The following KIF21A variants were observed in gnomAD, a reference collection of about 807,000 sequenced individuals.
The protein encoded by KIF21A is kinesin family member 21A, also known as kinesin-like protein KIF21A.
KIF21A carries 114 observed loss-of-function variants against 202.9 expected under a neutral mutation model. That is an observed-to-expected ratio of 0.56 (90% CI 0.48 to 0.66). KIF21A has a LOEUF of 0.66. Ranked by LOEUF, KIF21A falls within the 30% of genes least tolerant of loss-of-function variation. The probability of loss-of-function intolerance (pLI) is 0.00; values close to 1 mark genes in which losing one functional copy is unlikely to be tolerated. For missense variants in KIF21A, 1,677 were observed against 1,994.9 expected (o/e 0.84, Z 3.04); for synonymous variants, 667 against 670.8 (o/e 0.99, Z 0.09).
chr12:39,328,165 A>G (rs368028113), intron 24 of KIF21A, among the ~76,000 whole-genome samples: 10 of 152,180 alleles, frequency 6.6e-5, no homozygotes, highest in African/African-American at 2.2e-4. Flanking sequence ...TTAGCCAATA[A>G]AAGTGGCTCA....
intron 7 of KIF21A, 123 bp downstream of exon 7, chr12:39,362,975 A>C: frequency 1.5e-6 from 1 of 678,192 alleles, no homozygotes; most frequent in East Asian, 2.7e-5. Flanking sequence ...TAACAGTATA[A>C]GGATTAGTTC....
At chr12:39,409,873 C>T (rs2140027954) in intron 1 of KIF21A, among the ~76,000 whole-genome samples, 1 of 151,442 alleles carries the variant, frequency 6.6e-6, no homozygotes, top group African/African-American at 2.4e-5. Context: ...ACTCTGTTGC[C>T]TAGGCTGGAG....
chr12:39,357,221 C>G, intron 9 of KIF21A, 27 bp downstream of exon 9: 1 of 1,606,364 alleles, frequency 6.2e-7, no homozygotes, highest in East Asian at 2.2e-5. Context: ...AAGTTAATCC[C>G]TCACTTATCC....
At position 39,420,304 on chromosome 12, in the gene KIF21A, G is replaced by C. The variant is rs368183683; in HGVS notation, c.44+22623C>G. ...TATGGGTGTATGGGAGAGTAAAGAG[G>C]TAACAGGAGCCAGGGGATTCCCAAG... On this transcript the variant is annotated intron_variant, in intron 1 of 37. Transcript: ENST00000361418. Among the ~76,000 whole-genome samples the C allele has an allele frequency of 2.0e-3, 305 of 152,154 alleles. 5 individuals are homozygous for C. Among genetic ancestry groups the C allele is most frequent in the African/African-American group, 7.1e-3 (293 of 41,508 alleles).
chr12:39,417,301 T>A (rs749025327), intron 1 of KIF21A, among the ~76,000 whole-genome samples: 1 of 152,166 alleles, frequency 6.6e-6, no homozygotes, highest in African/African-American at 2.4e-5. Flanking sequence ...CATCTAATAA[T>A]GCCAGAATCA....
intron 1 of KIF21A, among the ~76,000 whole-genome samples, chr12:39,436,960 A>G (rs1044215668): frequency 6.6e-6 from 1 of 152,166 alleles, no homozygotes; most frequent in African/African-American, 2.4e-5. Context: ...ATTTTTATTG[A>G]TATGTTTTTC....
At chr12:39,326,007 A>G in intron 25 of KIF21A, 114 bp from the exon 26 acceptor site, 1 of 759,358 alleles carries the variant, frequency 1.3e-6, no homozygotes, top group Non-Finnish European at 2.2e-6. Flanking sequence ...GAAATACAGA[A>G]AGACAATATT....
intron 16 of KIF21A, among the ~76,000 whole-genome samples, chr12:39,338,166 G>A (rs375823920): frequency 1.7e-3 from 255 of 152,188 alleles, no homozygotes; most frequent in African/African-American, 5.5e-3. Context: ...AGGTGAAGAC[G>A]GTGATATTGA....
chr12:39,322,629 C>A, intron 27 of KIF21A, 39 bp downstream of exon 27: 1 of 1,495,214 alleles, frequency 6.7e-7, no homozygotes, highest in Non-Finnish European at 9.3e-7. Context: ...TTTTTTAAAG[C>A]CAAAAGAAAA....
intron 1 of KIF21A, among the ~76,000 whole-genome samples, chr12:39,436,449 T>TATATATATATATATATATATA (rs1491365902): frequency 1.1e-3 from 98 of 86,746 alleles, no homozygotes; most frequent in African/African-American, 3.4e-3. Context: ...TATATATATA[T>TATATATATATATATATATATA]TTTTTTTTTT....
intron 9 of KIF21A, 24 bp from the exon 10 acceptor site, chr12:39,356,919 A>C: frequency 9.0e-7 from 1 of 1,115,118 alleles, no homozygotes; most frequent in Non-Finnish European, 1.4e-6. Flanking sequence ...TATGAAATAA[A>C]AATTTTCCTT....
chr12:39,314,005 G>A (rs1944275172), intron 31 of KIF21A, among the ~76,000 whole-genome samples: 1 of 151,542 alleles, frequency 6.6e-6, no homozygotes, highest in Non-Finnish European at 1.5e-5. Flanking sequence ...ATTTAAAAGG[G>A]CTGAATATAT....
At position 39,366,180 on chromosome 12, in the gene KIF21A, C is replaced by T. The variant is rs111681470; in HGVS notation, c.903+170G>A. ...TGTAATATATAAAAACAGAAAAAAG[C>T]CTACAACATGAGGAGATTGGAGATT... On this transcript the variant is annotated intron_variant, in intron 6 of 37. Transcript: ENST00000361418. Among the ~76,000 whole-genome samples the T allele has an allele frequency of 2.6e-3, 394 of 152,008 alleles. 3 individuals are homozygous for T. The highest frequency in any genetic ancestry group is 8.7e-3 in the African/African-American group (360 of 41,464).
In KIF21A at chr12:39,363,132, T is replaced by C. The variant is rs1949357660; in HGVS notation, c.985A>G (p.Thr329Ala). 6.2e-7 allele frequency: 1 copy of C among 1,612,872 alleles called. No individual in the cohort carries two copies. Among genetic ancestry groups the C allele is most frequent in the Non-Finnish European group, 8.5e-7 (1 of 1,179,110 alleles). ...CCGAGGGAATCCTGTAGTAGTCTTG[T>C]TAGCTTGGAATCTCTATAGGGGACA... Reference protein sequence around the residue: ...THVPYRDSKLTRLLQDSLGGN... With the variant: ...THVPYRDSKLARLLQDSLGGN... The change falls in exon 7 of 38, where the codon ACA becomes GCA. Residue 329 changes from threonine to alanine, a missense_variant. Thr to Ala is a moderately conservative substitution (Grantham distance 58). Around this residue, in one of 3 missense-constraint regions of KIF21A, gnomAD observed 966 missense variants for 1,180.9 expected, o/e 0.82. Coordinates refer to ENST00000361418, the MANE Select transcript of KIF21A (RefSeq NM_001173464.2).
At chr12:39,421,988 C>T (rs73088812) in intron 1 of KIF21A, among the ~76,000 whole-genome samples, 1,988 of 151,698 alleles carry the variant, frequency 0.013, 49 homozygotes, top group African/African-American at 0.043. Flanking sequence ...GGCAAACTCT[C>T]ACTTTATCAC....
intron 7 of KIF21A, among the ~76,000 whole-genome samples, chr12:39,358,736 T>C (rs760294721): frequency 3.9e-5 from 6 of 152,236 alleles, no homozygotes; most frequent in Non-Finnish European, 7.3e-5. Flanking sequence ...TTCAGTATTT[T>C]AAAAATTTAT....
At chr12:39,411,880 G>T (rs1434850425) in intron 1 of KIF21A, among the ~76,000 whole-genome samples, 1 of 151,894 alleles carries the variant, frequency 6.6e-6, no homozygotes, top group Non-Finnish European at 1.5e-5. Context: ...TGTCACCCAG[G>T]CTGGAGTGCA....
chr12:39,357,467 T>C, intron 8 of KIF21A, 30 bp from the exon 9 acceptor site: 1 of 1,571,558 alleles, frequency 6.4e-7, no homozygotes, highest in East Asian at 2.2e-5. Flanking sequence ...TCCTTGTTGG[T>C]TGAGGAGCCT....
chr12:39,362,804 A>T (rs1305905061), intron 7 of KIF21A, among the ~76,000 whole-genome samples: 1 of 152,196 alleles, frequency 6.6e-6, no homozygotes, highest in Non-Finnish European at 1.5e-5. Context: ...AAGTCCACAT[A>T]CTATTGACTT....
Sources: allele counts gnomAD v4.1 joint callset (sites outside exome capture counted in the v4.1 genomes callset), GRCh38; gene constraint gnomAD v4.1.1; regional missense constraint gnomAD v4.1.1; transcripts MANE v1.5; gene names NCBI Gene and HGNC (gene_info 2026-07-23, HGNC 2026-07-21).